Variants in GAN observed in about 807,000 individuals in gnomAD.
GAN encodes the protein epididymis secretory sperm binding protein.
In GAN, 48 loss-of-function variants were observed where a neutral mutation model predicts 71.3. The observed-to-expected ratio is 0.67, with a 90% CI of 0.53 to 0.86. The LOEUF (loss-of-function observed/expected upper bound fraction) is 0.86, where lower values mean the gene tolerates loss of function less well. Ranked by LOEUF, GAN falls within the 40% of genes least tolerant of loss-of-function variation. The probability of loss-of-function intolerance (pLI) is 0.00; values close to 1 mark genes in which losing one functional copy is unlikely to be tolerated. For missense variants in GAN, 928 were observed against 770.1 expected, an observed-to-expected ratio of 1.21 and a Z score of -2.43; for synonymous variants, 386 against 276.8, an observed-to-expected ratio of 1.39 and a Z score of -3.92.
Position 81,346,519 on chromosome 16 carries a change from A to T in GAN, c.168-5064A>T, listed in dbSNP as rs138977824. On this transcript the variant is annotated intron_variant, in intron 1 of 10. Transcript: ENST00000648994. ...AGATTCTCATAGGAGCGCGAACCCT[A>T]TTGTGAATTGGGCATGTGAGGGATC... Among the ~76,000 whole-genome samples, 296 of 152,268 alleles carry T rather than the reference A, an allele frequency of 1.9e-3. 1 individual carries two copies. The highest frequency in any genetic ancestry group is 6.9e-3 in the African/African-American group (287 of 41,562).
rs1443283705 is a variant in GAN at position 81,377,708 on chromosome 16, G to GT, written c.*113dup. On this transcript the variant is annotated 3_prime_UTR_variant, in exon 11 of 11. Coordinates refer to ENST00000648994, the MANE Select transcript of GAN (RefSeq NM_022041.4). The stretch of plus-strand genomic sequence containing the variant: ...TCACTCTGTGCTGGGCTTTGGTATG[G>GT]TAACTCTTTGGTGGTTTTATGATGC... 3.1e-6 allele frequency: 3 copies of GT among 974,812 alleles called. No homozygotes were observed. The highest frequency in any genetic ancestry group is 5.0e-6 in the Non-Finnish European group (3 of 602,072). The allele number at this position is 974,812 out of a possible 1,614,324, so 60.4% of individuals were successfully genotyped here.
Position 81,381,343 on chromosome 16 carries a change from C to T in GAN, c.*3747C>T, listed in dbSNP as rs1027983371. The T allele has an allele frequency of 1.3e-5, 2 of 152,170 alleles. No homozygotes were observed. Among genetic ancestry groups the T allele is most frequent in the African/African-American group, 4.8e-5 (2 of 41,430 alleles). The allele number at this position is 152,170 out of a possible 1,614,324, so 9.4% of individuals were successfully genotyped here. Reference sequence around the variant, plus strand: ...TGTTGGCGTTCATGATTCAAGAGGCCTCCCGTGGTCAGATGAAGACCTTTG... The same window carrying T: ...TGTTGGCGTTCATGATTCAAGAGGCTTCCCGTGGTCAGATGAAGACCTTTG... On this transcript the variant is annotated 3_prime_UTR_variant, in exon 11 of 11. Coordinates refer to ENST00000648994, the MANE Select transcript of GAN (RefSeq NM_022041.4).
intron 1 of GAN, among the ~76,000 whole-genome samples, chr16:81,340,301 C>G (rs1597395346): frequency 6.6e-6 from 1 of 151,998 alleles, no homozygotes; most frequent in African/African-American, 2.4e-5. Flanking sequence ...GTAGAATAAT[C>G]CTTAAAAAAA....
Position 81,327,027 on chromosome 16 carries a change from G to A in GAN, c.167+11747G>A, listed in dbSNP as rs534154600. Among the ~76,000 whole-genome samples the A allele has an allele frequency of 3.9e-5, 6 of 152,310 alleles. No homozygotes were observed. The South Asian group carries it at 6.2e-4, about 16-fold the overall frequency. Reference sequence around the variant, plus strand: ...ATACGTTTGTGGGGTAGGGCAAAGGGACAGAATAAACCATTTTGCAACAGA... The same window carrying A: ...ATACGTTTGTGGGGTAGGGCAAAGGAACAGAATAAACCATTTTGCAACAGA... On this transcript the variant is annotated intron_variant, in intron 1 of 10. Coordinates refer to ENST00000648994, the MANE Select transcript of GAN (RefSeq NM_022041.4).
chr16:81,323,617 A>G (rs1211269066), intron 1 of GAN, among the ~76,000 whole-genome samples: 1 of 152,318 alleles, frequency 6.6e-6, no homozygotes, highest in Non-Finnish European at 1.5e-5. Context: ...TTTCACAGTA[A>G]AGGGACCTTC....
At position 81,356,681 on chromosome 16, in the gene GAN, G is replaced by A. The variant is rs549038295; in HGVS notation, c.634-104G>A. On this transcript the variant is annotated intron_variant, in intron 3 of 10. Transcript: ENST00000648994. ...TGTCTCACTTGCCTGGTAATAACCT[G>A]AGTGTTAACAGTTTGTTTTCCATGA... The A allele has an allele frequency of 6.0e-6, 5 of 837,338 alleles. No individual in the cohort carries two copies. The Admixed American group carries it at 8.5e-5, about 14-fold the overall frequency. 51.9% of individuals were successfully genotyped at this position (837,338 alleles called of 1,614,324 possible).
chr16:81,332,642 C>T (rs976799291), intron 1 of GAN, among the ~76,000 whole-genome samples: 1 of 152,212 alleles, frequency 6.6e-6, no homozygotes, highest in African/African-American at 2.4e-5. Flanking sequence ...CACATGCCTG[C>T]TCCACAGTGC....
chr16:81,349,542 G>T (rs1404115616), intron 1 of GAN, among the ~76,000 whole-genome samples: 2 of 152,130 alleles, frequency 1.3e-5, no homozygotes, highest in South Asian at 4.1e-4. Context: ...TACTTGGGGG[G>T]CTGAGGCAGG....
In GAN at chr16:81,362,517, T is replaced by G; in HGVS notation, c.992T>G (p.Phe331Cys). The G allele has an allele frequency of 1.2e-6, 2 of 1,602,636 alleles. No homozygotes were observed. Among genetic ancestry groups the G allele is most frequent in the Non-Finnish European group, 1.7e-6 (2 of 1,169,484 alleles). ...VLSAEGFLFVFGGQDENKQTL... is the reference protein window; with the variant it reads ...VLSAEGFLFVCGGQDENKQTL... ...TTTGCAGAAGGATTTTTGTTTGTAT[T>G]CGGGGGCCAAGATGAAAATAAGCAG... The change falls in exon 6 of 11, where the codon TTC becomes TGC. Residue 331 changes from phenylalanine to cysteine, a missense_variant. By Grantham distance (205) the Phe-to-Cys change is radical. Transcript: ENST00000648994.
intron 1 of GAN, among the ~76,000 whole-genome samples, chr16:81,333,510 C>G (rs1909657107): frequency 6.6e-6 from 1 of 152,146 alleles, no homozygotes; most frequent in African/African-American, 2.4e-5. Context: ...ATAGGCTATG[C>G]ATAGCCTGGG....
At chr16:81,359,370 A>AT (rs1910594337) in intron 5 of GAN, among the ~76,000 whole-genome samples, 1 of 145,834 alleles carries the variant, frequency 6.9e-6, no homozygotes, top group Admixed American at 6.8e-5. Context: ...GAAGTGAGTG[A>AT]TTGAGGAGGT....
chr16:81,363,933 T>C lies in GAN; in HGVS notation c.1226T>C (p.Met409Thr). 1 of 1,613,238 alleles carries C rather than the reference T, an allele frequency of 6.2e-7. No individual in the cohort carries two copies. The highest frequency in any genetic ancestry group is 2.2e-5 in the East Asian group (1 of 44,872). ...TGGACAAAGCAACCTGATTTGACCA[T>C]GGTCAGAAAGGTGAGGACTGCATTT... ...KTWTKQPDLT[M>T]VRKIGCYAAM... Residue 409 changes from methionine to threonine, a missense_variant, in exon 7 of 11, where the codon ATG becomes ACG. Coordinates refer to ENST00000648994, the MANE Select transcript of GAN (RefSeq NM_022041.4).
At chr16:81,332,256 A>G (rs1909606733) in intron 1 of GAN, among the ~76,000 whole-genome samples, 2 of 152,298 alleles carry the variant, frequency 1.3e-5, no homozygotes, top group South Asian at 2.1e-4. Flanking sequence ...TAAACCAGTC[A>G]GAGACGTTGC....
chr16:81,358,600 C>A (rs545245563), intron 5 of GAN, among the ~76,000 whole-genome samples: 6 of 150,976 alleles, frequency 4.0e-5, no homozygotes, highest in Non-Finnish European at 7.4e-5. Flanking sequence ...CAGAGTGAGA[C>A]CCTGTCTCAA....
At chr16:81,316,386 T>C (rs1909041935) in intron 1 of GAN, among the ~76,000 whole-genome samples, 1 of 151,646 alleles carries the variant, frequency 6.6e-6, no homozygotes, top group Admixed American at 6.6e-5. Flanking sequence ...GAGATATCTG[T>C]GCTAAACTTA....
At chr16:81,371,358 CTCT>C (rs1347907929) in intron 9 of GAN, among the ~76,000 whole-genome samples, 3 of 152,128 alleles carry the variant, frequency 2.0e-5, no homozygotes, top group African/African-American at 7.2e-5. Flanking sequence ...ATTTTTCTGG[CTCT>C]TCTTCTGTTG....
rs938654031 is a variant in GAN at position 81,385,193 on chromosome 16, T to C, written c.*7597T>C. On this transcript the variant is annotated 3_prime_UTR_variant, in exon 11 of 11. Coordinates refer to ENST00000648994, the MANE Select transcript of GAN (RefSeq NM_022041.4). ...TAGAATGACAAAGCTTCTCCTCCAA[T>C]GACAATCTGTTAGCACCCTGTTGAC... 1.3e-5 allele frequency: 2 copies of C among 152,214 alleles called. No individual in the cohort carries two copies. Among genetic ancestry groups the C allele is most frequent in the African/African-American group, 4.8e-5 (2 of 41,462 alleles). The allele number at this position is 152,214 out of a possible 1,614,324, so 9.4% of individuals were successfully genotyped here. A position where few individuals can be genotyped will look rare whatever the true frequency, so the allele number is the denominator to read the frequency against.
At chr16:81,322,906 A>G (rs1390480416) in intron 1 of GAN, among the ~76,000 whole-genome samples, 1 of 152,244 alleles carries the variant, frequency 6.6e-6, no homozygotes, top group East Asian at 1.9e-4. Flanking sequence ...AGTCTTTTCT[A>G]ACCCACAGAG....
chr16:81,357,976 T>G, intron 5 of GAN, 45 bp downstream of exon 5: 1 of 1,526,196 alleles, frequency 6.6e-7, no homozygotes. Context: ...GATCAAGTAA[T>G]GTGTAATCTC....
Sources: allele counts gnomAD v4.1 joint callset (sites outside exome capture counted in the v4.1 genomes callset), GRCh38; gene constraint gnomAD v4.1.1; transcripts MANE v1.5; gene names NCBI Gene and HGNC (gene_info 2026-07-23, HGNC 2026-07-21).